CACNG2: variants seen among roughly 807,000 people sequenced by gnomAD.
CACNG2 encodes the protein voltage-dependent calcium channel gamma-2 subunit.
A neutral mutation model predicts 25.9 loss-of-function variants in CACNG2; 3 were observed. That is an observed-to-expected ratio of 0.12 (90% CI 0.05 to 0.30). The LOEUF is 0.30. CACNG2 is among the 10% of genes least tolerant of loss of function. CACNG2 has a pLI of 1.00. For synonymous variants in CACNG2, 167 were observed against 173.3 expected, an observed-to-expected ratio of 0.96 and a Z score of 0.29; for missense variants, 341 against 432.5, an observed-to-expected ratio of 0.79 and a Z score of 1.88.
rs6000329 is a variant in CACNG2, at chr22:36,563,172, G to C, written c.*1179C>G. ...TTTCCTTTTTCTTTTGTAAAAAGAA[G>C]CCTTTTTGCAGTGTCATTGTTGAAC... On this transcript the variant is annotated 3_prime_UTR_variant, in exon 4 of 4. Transcript: ENST00000300105. 6.6e-6 allele frequency among the ~76,000 whole-genome samples: 1 copy of C among 151,834 alleles called. No individual in the cohort carries two copies. Among genetic ancestry groups the C allele is most frequent in the Non-Finnish European group, 1.5e-5 (1 of 67,908 alleles).
intron 1 of CACNG2, among the ~76,000 whole-genome samples, chr22:36,628,078 C>T (rs2145955688): frequency 6.6e-6 from 1 of 152,224 alleles, no homozygotes; most frequent in South Asian, 2.1e-4. Flanking sequence ...TAAAATGTTA[C>T]CAATGATTAT....
intron 1 of CACNG2, among the ~76,000 whole-genome samples, chr22:36,664,899 T>C (rs890452475): frequency 3.3e-5 from 5 of 152,134 alleles, no homozygotes; most frequent in Non-Finnish European, 7.3e-5. Context: ...AACATTGATT[T>C]TTGAGTTTAC....
intron 1 of CACNG2, among the ~76,000 whole-genome samples, chr22:36,618,271 A>T (rs1191859727): frequency 6.6e-6 from 1 of 152,214 alleles, no homozygotes; most frequent in African/African-American, 2.4e-5. Context: ...CCCAGAGGAA[A>T]GCAGCCAAGT....
At chr22:36,646,164 C>T (rs767207814) in intron 1 of CACNG2, among the ~76,000 whole-genome samples, 1 of 152,120 alleles carries the variant, frequency 6.6e-6, no homozygotes, top group Non-Finnish European at 1.5e-5. Flanking sequence ...AATATCTTTC[C>T]ATGGTTATAT....
At chr22:36,665,227 C>T (rs529471506) in intron 1 of CACNG2, among the ~76,000 whole-genome samples, 8 of 152,304 alleles carry the variant, frequency 5.3e-5, no homozygotes, top group African/African-American at 1.7e-4. Context: ...AGCCTGATGA[C>T]GAGTGTGTGG....
chr22:36,637,570 G>A lies in CACNG2; in HGVS notation c.212-50022C>T, dbSNP rs1601429822. On this transcript the variant is annotated intron_variant, in intron 1 of 3. Transcript: ENST00000300105. Reference sequence around the variant, plus strand: ...GTTGGGTTGTTTGGAGAGGCTCACCGCACTCCACACTGTCATATGCATCAT... The same window carrying A: ...GTTGGGTTGTTTGGAGAGGCTCACCACACTCCACACTGTCATATGCATCAT... Among the ~76,000 whole-genome samples the A allele has an allele frequency of 3.9e-5, 6 of 152,256 alleles. 1 individual carries two copies. In the South Asian group the frequency reaches 1.2e-3, roughly 32 times the overall value.
At chr22:36,687,514 T>A (rs1239678390) in intron 1 of CACNG2, among the ~76,000 whole-genome samples, 1 of 152,232 alleles carries the variant, frequency 6.6e-6, no homozygotes, top group South Asian at 2.1e-4. Context: ...TTTCCAGGTG[T>A]GCTGTTCTGA....
At chr22:36,678,228 G>A (rs1483590282) in intron 1 of CACNG2, among the ~76,000 whole-genome samples, 1 of 152,198 alleles carries the variant, frequency 6.6e-6, no homozygotes, top group Admixed American at 6.5e-5. Flanking sequence ...GCTGAAGAAT[G>A]AATGACACCC....
chr22:36,618,174 T>A (rs896399183), intron 1 of CACNG2, among the ~76,000 whole-genome samples: 3 of 152,248 alleles, frequency 2.0e-5, no homozygotes, highest in Middle Eastern at 6.8e-3. Context: ...CTCCATTGGG[T>A]TTTGGTGGGA....
intron 1 of CACNG2, among the ~76,000 whole-genome samples, chr22:36,665,934 A>G (rs901795948): frequency 1.3e-5 from 2 of 152,256 alleles, no homozygotes; most frequent in African/African-American, 4.8e-5. Context: ...TCATGGTAGC[A>G]TTATTCACAA....
intron 1 of CACNG2, among the ~76,000 whole-genome samples, chr22:36,671,537 G>A (rs1601447669): frequency 6.6e-6 from 1 of 152,196 alleles, no homozygotes; most frequent in Non-Finnish European, 1.5e-5. Flanking sequence ...AGAGAGGCTC[G>A]AAACAGTTAC....
chr22:36,577,447 C>T (rs1349221404), intron 2 of CACNG2, among the ~76,000 whole-genome samples: 2 of 151,786 alleles, frequency 1.3e-5, no homozygotes, highest in Non-Finnish European at 2.9e-5. Flanking sequence ...GTCAAGAGAT[C>T]GAGACCATCC....
In CACNG2 at chr22:36,702,596, A is replaced by G; in HGVS notation, c.-20T>C. On this transcript the variant is annotated 5_prime_UTR_variant, in exon 1 of 4. Transcript: ENST00000300105. ...CCCCATAATTCTTCATTATATAAAC[A>G]CCCAACCGACTTCTGGTTCTCGGGA... 6.3e-7 allele frequency: 1 copy of G among 1,597,746 alleles called. No homozygotes were observed. Among genetic ancestry groups the G allele is most frequent in the Non-Finnish European group, 8.6e-7 (1 of 1,165,242 alleles).
intron 1 of CACNG2, among the ~76,000 whole-genome samples, chr22:36,644,954 A>G (rs956520343): frequency 1.1e-4 from 17 of 152,232 alleles, no homozygotes; most frequent in Non-Finnish European, 1.0e-4. Flanking sequence ...GTGATGACAG[A>G]TGACATAGAA....
At chr22:36,663,620 C>T (rs936503736) in intron 1 of CACNG2, among the ~76,000 whole-genome samples, 5 of 152,148 alleles carry the variant, frequency 3.3e-5, no homozygotes, top group African/African-American at 1.2e-4. Flanking sequence ...TTTATTAATG[C>T]GTCGCGAGGG....
chr22:36,676,914 T>G (rs1261621923), intron 1 of CACNG2, among the ~76,000 whole-genome samples: 1 of 145,334 alleles, frequency 6.9e-6, no homozygotes, highest in East Asian at 2.0e-4. Flanking sequence ...CTTGCCTCTC[T>G]TTCTGCTTCT....
At chr22:36,625,026 C>CAAAAAAAAAAAAAAAAAA (rs57987215) in intron 1 of CACNG2, among the ~76,000 whole-genome samples, 10 of 67,624 alleles carry the variant, frequency 1.5e-4, no homozygotes, top group African/African-American at 2.1e-4. Context: ...GACTCTGTCT[C>CAAAAAAAAAAAAAAAAAA]AAAAAAAAAA....
At chr22:36,632,324 G>A (rs951534891) in intron 1 of CACNG2, among the ~76,000 whole-genome samples, 5 of 152,070 alleles carry the variant, frequency 3.3e-5, no homozygotes, top group African/African-American at 1.2e-4. Context: ...TAGGAGCTGC[G>A]TGATCCCCCT....
intron 1 of CACNG2, among the ~76,000 whole-genome samples, chr22:36,678,670 C>T (rs950888137): frequency 1.6e-4 from 24 of 150,700 alleles, no homozygotes; most frequent in African/African-American, 5.9e-4. Flanking sequence ...TCATTTCCAC[C>T]CCCATGCCAG....
Sources: gnomAD v4.1 joint callset for allele counts (sites outside exome capture counted in the v4.1 genomes callset) on GRCh38, gnomAD v4.1.1 for gene constraint, MANE v1.5 for transcripts, NCBI Gene and HGNC (gene_info 2026-07-23, HGNC 2026-07-21) for gene names.